CLVS1: variants seen among roughly 807,000 people sequenced by gnomAD.
CLVS1 encodes the protein clavesin-1.
CLVS1 carries 10 observed loss-of-function variants against 33.1 expected under a neutral mutation model. The ratio of observed to expected loss-of-function variants is 0.30; its 90% CI spans 0.19 to 0.51. The LOEUF (loss-of-function observed/expected upper bound fraction) is 0.51, where lower values mean the gene tolerates loss of function less well. Among genes scored for constraint, CLVS1 ranks in the 20% least tolerant of loss-of-function variants. The pLI is 0.97. For synonymous variants in CLVS1, 163 were observed against 166.1 expected, an observed-to-expected ratio of 0.98 and a Z score of 0.14; for missense variants, 343 against 433.4, an observed-to-expected ratio of 0.79 and a Z score of 1.85.
chr8:61,133,089 A>G (rs970709774), intron 2 of CLVS1, among the ~76,000 whole-genome samples: 3 of 152,188 alleles, frequency 2.0e-5, no homozygotes, highest in African/African-American at 4.8e-5. Context: ...AAGTCTGGAA[A>G]TGCATCTGGG....
At chr8:61,123,688 A>G (rs896483017) in intron 1 of CLVS1, among the ~76,000 whole-genome samples, 2 of 152,098 alleles carry the variant, frequency 1.3e-5, no homozygotes. Flanking sequence ...TCTTTTGTGG[A>G]GTTTTGTACA....
At chr8:61,305,647 T>C (rs1277115999) in intron 2 of CLVS1, among the ~76,000 whole-genome samples, 4 of 152,134 alleles carry the variant, frequency 2.6e-5, no homozygotes, top group Non-Finnish European at 4.4e-5. Context: ...TACAGATTAT[T>C]TCATCACCCA....
intron 3 of CLVS1, among the ~76,000 whole-genome samples, chr8:61,419,354 G>A (rs899127415): frequency 2.5e-4 from 35 of 138,448 alleles, no homozygotes; most frequent in African/African-American, 8.5e-4. Flanking sequence ...CCGAGATCAC[G>A]CCACTGCACT....
chr8:60,995,666 A>G, the CLVS1 span, among the ~76,000 whole-genome samples: 3 of 152,240 alleles, frequency 2.0e-5, no homozygotes, highest in African/African-American at 7.2e-5. Flanking sequence ...TACTGGGTAT[A>G]TACCCAAAGG....
At chr8:60,978,798 A>C in the CLVS1 span, among the ~76,000 whole-genome samples, 8 of 133,666 alleles carry the variant, frequency 6.0e-5, 1 homozygote, top group African/African-American at 1.7e-4. Context: ...TGACAGAGCG[A>C]GACTCCATCT....
chr8:61,187,282 C>T (rs866397625), intron 2 of CLVS1, among the ~76,000 whole-genome samples: 18 of 152,010 alleles, frequency 1.2e-4, no homozygotes, highest in African/African-American at 3.9e-4. Context: ...CTAGATATCC[C>T]ATATTTATTA....
chr8:61,432,055 C>T (rs191932916), intron 3 of CLVS1, among the ~76,000 whole-genome samples: 3 of 152,188 alleles, frequency 2.0e-5, no homozygotes, highest in Non-Finnish European at 4.4e-5. Flanking sequence ...GCATATCTTT[C>T]AGCTGAGCCT....
At chr8:61,087,094 C>G (rs1157041918) in intron 1 of CLVS1, among the ~76,000 whole-genome samples, 2 of 152,116 alleles carry the variant, frequency 1.3e-5, no homozygotes, top group Non-Finnish European at 2.9e-5. Flanking sequence ...TCCTCCAGCT[C>G]CGAAATCAAG....
chr8:61,034,718 G>A, the CLVS1 span, among the ~76,000 whole-genome samples: 2 of 152,198 alleles, frequency 1.3e-5, no homozygotes, highest in South Asian at 4.1e-4. Flanking sequence ...GTAAAACTCT[G>A]AGTGAGATTT....
the CLVS1 span, among the ~76,000 whole-genome samples, chr8:61,016,555 A>G: frequency 6.6e-6 from 1 of 152,242 alleles, no homozygotes; most frequent in South Asian, 2.1e-4. Flanking sequence ...TGTCTCATGT[A>G]TTCATGCCTG....
chr8:61,007,749 G>T, the CLVS1 span, among the ~76,000 whole-genome samples: 2 of 152,212 alleles, frequency 1.3e-5, no homozygotes, highest in African/African-American at 4.8e-5. Flanking sequence ...GCACAGAAAA[G>T]GACGTGCAGG....
At chr8:61,433,493 G>T (rs1389157096) in intron 3 of CLVS1, among the ~76,000 whole-genome samples, 1 of 152,104 alleles carries the variant, frequency 6.6e-6, no homozygotes, top group Non-Finnish European at 1.5e-5. Flanking sequence ...CCTTTGGCAT[G>T]GTGAGTTTGG....
intron 1 of CLVS1, among the ~76,000 whole-genome samples, chr8:61,095,602 G>C (rs191567498): frequency 6.6e-6 from 1 of 152,136 alleles, no homozygotes; most frequent in East Asian, 1.9e-4. Flanking sequence ...GGTTGAGAAA[G>C]CTTGCCCGAG....
chr8:61,410,455 C>A (rs1815177239), intron 3 of CLVS1, among the ~76,000 whole-genome samples: 2 of 152,052 alleles, frequency 1.3e-5, no homozygotes, highest in South Asian at 2.1e-4. Flanking sequence ...CATAATTCTA[C>A]ATAATACAAA....
intron 1 of CLVS1, among the ~76,000 whole-genome samples, chr8:61,098,718 A>G (rs539200391): frequency 6.6e-6 from 1 of 152,188 alleles, no homozygotes; most frequent in East Asian, 1.9e-4. Flanking sequence ...TATGAGTCAG[A>G]GTTGGGTAGA....
At chr8:61,469,315 T>G (rs1465406193) in intron 5 of CLVS1, among the ~76,000 whole-genome samples, 1 of 152,224 alleles carries the variant, frequency 6.6e-6, no homozygotes, top group Non-Finnish European at 1.5e-5. Context: ...GAAGACCTAC[T>G]TCTGATTCTT....
chr8:61,072,278 T>G (rs1804810639), intron 1 of CLVS1, among the ~76,000 whole-genome samples: 1 of 152,246 alleles, frequency 6.6e-6, no homozygotes, highest in African/African-American at 2.4e-5. Context: ...CATTTTTCTT[T>G]GTTAATCTTA....
At position 61,139,724 on chromosome 8, in the gene CLVS1, G is replaced by C. The variant is rs987381288; in HGVS notation, c.-152+7864G>C. Among the ~76,000 whole-genome samples, 4 of 151,880 alleles carry C rather than the reference G, an allele frequency of 2.6e-5. No individual in the cohort carries two copies. The South Asian group carries it at 8.3e-4, about 32-fold the overall frequency. The stretch of plus-strand genomic sequence containing the variant: ...TGCTTCCCCTCGGTGGTCGGGGTCC[G>C]CTTCCGCGTCGGTTCTGTTTATCAG... On this transcript the variant is annotated intron_variant, in intron 2 of 2. Coordinates refer to the CLVS1 transcript ENST00000522621.
intron 1 of CLVS1, among the ~76,000 whole-genome samples, chr8:61,075,772 A>G (rs1235035220): frequency 6.6e-6 from 1 of 152,116 alleles, no homozygotes; most frequent in African/African-American, 2.4e-5. Context: ...GGCTGGTACC[A>G]CTGTGCTGCC....
Sources: allele counts gnomAD v4.1 joint callset (sites outside exome capture counted in the v4.1 genomes callset), GRCh38; gene constraint gnomAD v4.1.1; transcripts MANE v1.5; gene names NCBI Gene and HGNC (gene_info 2026-07-23, HGNC 2026-07-21).